PTPRN2: variants seen among roughly 807,000 people sequenced by gnomAD.
The protein encoded by PTPRN2 is receptor-type tyrosine-protein phosphatase N2.
PTPRN2 carries 74 observed loss-of-function variants against 118.8 expected under a neutral mutation model. The observed-to-expected ratio is 0.62, with a 90% CI of 0.52 to 0.76. PTPRN2 has a LOEUF of 0.76. Ranked by LOEUF, PTPRN2 falls within the 30% of genes least tolerant of loss-of-function variation. The pLI is 0.00. For synonymous variants in PTPRN2, 641 were observed against 608.0 expected (o/e 1.05, Z -0.80); for missense variants, 1,481 against 1,394.4 (o/e 1.06, Z -0.99).
intron 11 of PTPRN2, among the ~76,000 whole-genome samples, chr7:158,050,303 A>C (rs1370578352): frequency 6.6e-6 from 1 of 152,236 alleles, no homozygotes; most frequent in African/African-American, 2.4e-5. Context: ...TGAAAAACTT[A>C]ATTCATAATT....
chr7:158,100,459 T>C (rs940959592), intron 10 of PTPRN2, among the ~76,000 whole-genome samples: 3 of 152,212 alleles, frequency 2.0e-5, no homozygotes, highest in Non-Finnish European at 2.9e-5. Flanking sequence ...TTCTTTTAGT[T>C]CTTTAAGGAA....
chr7:157,740,766 C>A (rs147835264), intron 12 of PTPRN2, among the ~76,000 whole-genome samples: 2 of 152,172 alleles, frequency 1.3e-5, no homozygotes, highest in Non-Finnish European at 2.9e-5. Flanking sequence ...TTCCAGCAAG[C>A]CTCGGAATCA....
rs559853605 is a variant in PTPRN2, at chr7:157,582,327, A to G, written c.2497-4187T>C. Among the ~76,000 whole-genome samples the G allele has an allele frequency of 3.9e-5, 6 of 152,352 alleles. No individual in the cohort carries two copies. The East Asian group carries it at 7.7e-4, about 20-fold the overall frequency. On this transcript the variant is annotated intron_variant, in intron 17 of 22. Coordinates refer to ENST00000389418, the MANE Select transcript of PTPRN2 (RefSeq NM_002847.5). Reference sequence around the variant, plus strand: ...AAACAAAAAAACAAATGACCCAACTAAAAATGGGCAAGGGATCTGAGCACA... The same window carrying G: ...AAACAAAAAAACAAATGACCCAACTGAAAATGGGCAAGGGATCTGAGCACA...
intron 2 of PTPRN2, among the ~76,000 whole-genome samples, chr7:158,478,590 T>A (rs1820434447): frequency 6.6e-6 from 1 of 152,172 alleles, no homozygotes; most frequent in South Asian, 2.1e-4. Flanking sequence ...AACGCATCCC[T>A]GAGCTGGACC....
intron 3 of PTPRN2, among the ~76,000 whole-genome samples, chr7:158,229,941 A>G (rs1285400824): frequency 6.6e-6 from 1 of 151,058 alleles, no homozygotes; most frequent in East Asian, 1.9e-4. Flanking sequence ...TGTAAGGCAT[A>G]TAATAATCAA....
chr7:158,270,761 GACCAC>G, intron 3 of PTPRN2, among the ~76,000 whole-genome samples: 1 of 146,574 alleles, frequency 6.8e-6, no homozygotes, highest in African/African-American at 2.7e-5. Context: ...TCTCCACCTG[GACCAC>G]CCCGTCCACC....
At chr7:157,800,031 C>T (rs369297500) in intron 12 of PTPRN2, among the ~76,000 whole-genome samples, 5 of 151,654 alleles carry the variant, frequency 3.3e-5, no homozygotes, top group African/African-American at 1.2e-4. Flanking sequence ...CCTCCTCTGT[C>T]CCTCAGAGGC....
intron 11 of PTPRN2, among the ~76,000 whole-genome samples, chr7:157,954,311 G>A (rs1216094361): frequency 6.9e-6 from 1 of 145,250 alleles, no homozygotes; most frequent in East Asian, 2.1e-4. Flanking sequence ...TGGTACCCGT[G>A]TACTGTGTGT....
At chr7:157,748,493 GA>G (rs1801187376) in intron 12 of PTPRN2, among the ~76,000 whole-genome samples, 1 of 124,016 alleles carries the variant, frequency 8.1e-6, no homozygotes, top group African/African-American at 3.1e-5. Context: ...CTGAGCTGCG[GA>G]GTGTCTGGGT....
chr7:157,652,537 C>A (rs886358272), intron 14 of PTPRN2, among the ~76,000 whole-genome samples: 1 of 152,230 alleles, frequency 6.6e-6, no homozygotes, highest in Non-Finnish European at 1.5e-5. Context: ...GGGGACCCAG[C>A]GGCTGCCCCA....
chr7:157,544,040 CGGAGAGAGGT>C (rs1364967490), intron 22 of PTPRN2, among the ~76,000 whole-genome samples: 2 of 146,666 alleles, frequency 1.4e-5, no homozygotes, highest in Non-Finnish European at 3.0e-5. Flanking sequence ...TGGAGAGAGA[CGGAGAGAGGT>C]GGAGAGAGAC....
intron 11 of PTPRN2, among the ~76,000 whole-genome samples, chr7:157,995,973 G>A (rs569253444): frequency 2.6e-5 from 4 of 151,618 alleles, no homozygotes; most frequent in Non-Finnish European, 4.4e-5. Flanking sequence ...TGTCTGTTGC[G>A]CACAATGGAA....
intron 2 of PTPRN2, among the ~76,000 whole-genome samples, chr7:158,425,930 G>T (rs1815712117): frequency 7.0e-6 from 1 of 143,720 alleles, no homozygotes; most frequent in East Asian, 2.0e-4. Context: ...GTCCAGCCTA[G>T]CTGGGGCCTG....
At chr7:157,757,401 T>A (rs1013616871) in intron 12 of PTPRN2, among the ~76,000 whole-genome samples, 59 of 152,052 alleles carry the variant, frequency 3.9e-4, no homozygotes, top group African/African-American at 1.4e-3. Flanking sequence ...CAGGCCCAGC[T>A]CACCCTCCGA....
chr7:158,463,363 C>T (rs1586733653), intron 2 of PTPRN2, among the ~76,000 whole-genome samples: 1 of 152,064 alleles, frequency 6.6e-6, no homozygotes, highest in Middle Eastern at 3.4e-3. Context: ...ATCACCATCA[C>T]CATCAGCATC....
intron 2 of PTPRN2, among the ~76,000 whole-genome samples, chr7:158,348,485 C>A (rs1374747357): frequency 1.8e-4 from 24 of 136,020 alleles, no homozygotes; most frequent in South Asian, 2.6e-4. Flanking sequence ...CCCAGAGCCA[C>A]CCTGGGGTCC....
At chr7:158,340,193 C>A (rs370902906) in intron 2 of PTPRN2, among the ~76,000 whole-genome samples, 2 of 90,440 alleles carry the variant, frequency 2.2e-5, no homozygotes, top group South Asian at 4.5e-4. Flanking sequence ...TCACTCACAC[C>A]CACACTCTCA....
chr7:158,195,989 G>C lies in PTPRN2; in HGVS notation c.381-3494C>G, dbSNP rs902739318. On this transcript the variant is annotated intron_variant, in intron 4 of 22. Transcript: ENST00000389418. ...TCTTACTTTTAAGTCTTGTTTGGCA[G>C]TATCAGAGCAGCAATTATCTATGAC... Among the ~76,000 whole-genome samples the C allele has an allele frequency of 5.3e-5, 8 of 152,184 alleles. No homozygotes were observed. In the South Asian group the frequency reaches 6.2e-4, roughly 12 times the overall value.
chr7:158,149,441 T>TA (rs112794279), intron 6 of PTPRN2, among the ~76,000 whole-genome samples: 4,528 of 143,228 alleles, frequency 0.032, 84 homozygotes, highest in Non-Finnish European at 0.046. Context: ...TCTCAAGAGG[T>TA]AAAAAAAAAA....
Sources: allele counts gnomAD v4.1 joint callset (sites outside exome capture counted in the v4.1 genomes callset), GRCh38; gene constraint gnomAD v4.1.1; transcripts MANE v1.5; gene names NCBI Gene and HGNC (gene_info 2026-07-23, HGNC 2026-07-21).